The following SLC25A21 variants were observed in gnomAD, a reference collection of about 807,000 sequenced individuals.
SLC25A21 encodes the protein mitochondrial 2-oxodicarboxylate carrier.
Under a neutral mutation model 43.8 loss-of-function variants are expected in SLC25A21, and 47 were observed. That is an observed-to-expected ratio of 1.07 (90% CI 0.85 to 1.37). The LOEUF is 1.37. Among genes scored for constraint, SLC25A21 ranks in the 40% most tolerant of loss-of-function variants. SLC25A21 has a pLI of 0.00. For missense variants in SLC25A21, 352 were observed against 350.2 expected, an observed-to-expected ratio of 1.00 and a Z score of -0.04; for synonymous variants, 131 against 121.3, an observed-to-expected ratio of 1.08 and a Z score of -0.52.
chr14:37,145,736 C>G (rs926191749), intron 1 of SLC25A21, among the ~76,000 whole-genome samples: 5 of 152,128 alleles, frequency 3.3e-5, no homozygotes, highest in Non-Finnish European at 7.4e-5. Context: ...ACTCAACAAT[C>G]AGATACTCTA....
intron 7 of SLC25A21, among the ~76,000 whole-genome samples, chr14:36,688,225 A>G (rs530120734): frequency 6.6e-6 from 1 of 152,280 alleles, no homozygotes; most frequent in East Asian, 1.9e-4. Context: ...CTAACCCAAG[A>G]AAGTTTTACA....
intron 1 of SLC25A21, among the ~76,000 whole-genome samples, chr14:37,040,539 T>C (rs751117195): frequency 4.9e-4 from 75 of 151,912 alleles, no homozygotes; most frequent in Non-Finnish European, 7.9e-4. Flanking sequence ...GAGAAGGACC[T>C]TTCATGCTGG....
chr14:37,063,277 A>T (rs1206786842), intron 1 of SLC25A21, among the ~76,000 whole-genome samples: 1 of 152,098 alleles, frequency 6.6e-6, no homozygotes, highest in African/African-American at 2.4e-5. Context: ...AGATGGGTGG[A>T]TCACTTGAGG....
chr14:37,135,398 C>G (rs1217131676), intron 1 of SLC25A21, among the ~76,000 whole-genome samples: 3 of 151,558 alleles, frequency 2.0e-5, no homozygotes, highest in Non-Finnish European at 4.4e-5. Context: ...GATCCTATCT[C>G]TAAAAACATA....
intron 1 of SLC25A21, among the ~76,000 whole-genome samples, chr14:36,957,746 T>C (rs1487116814): frequency 1.3e-5 from 2 of 152,216 alleles, no homozygotes; most frequent in South Asian, 2.1e-4. Flanking sequence ...AAAAAGTGGA[T>C]GCTACATGAT....
chr14:36,864,910 GCT>G (rs1890169745), intron 2 of SLC25A21, among the ~76,000 whole-genome samples: 1 of 151,924 alleles, frequency 6.6e-6, no homozygotes, highest in African/African-American at 2.4e-5. Flanking sequence ...CTTCCCAGCT[GCT>G]CTGTTATTTA....
chr14:37,147,660 A>G (rs576989148), intron 1 of SLC25A21, among the ~76,000 whole-genome samples: 1 of 148,988 alleles, frequency 6.7e-6, no homozygotes, highest in Non-Finnish European at 1.5e-5. Context: ...AAAAAAAAGG[A>G]AGAAAATTTT....
At chr14:36,991,066 C>A (rs1457127092) in intron 1 of SLC25A21, among the ~76,000 whole-genome samples, 2 of 152,178 alleles carry the variant, frequency 1.3e-5, no homozygotes, top group Non-Finnish European at 2.9e-5. Flanking sequence ...TTAAATACTT[C>A]TGAATCCTGT....
chr14:36,873,232 A>T (rs1231563228), intron 2 of SLC25A21, among the ~76,000 whole-genome samples: 3 of 152,142 alleles, frequency 2.0e-5, no homozygotes, highest in African/African-American at 7.2e-5. Context: ...AAGATGGCCC[A>T]GGGGTGCGCA....
At chr14:37,014,717 G>T (rs950308550) in intron 1 of SLC25A21, among the ~76,000 whole-genome samples, 6 of 152,070 alleles carry the variant, frequency 3.9e-5, no homozygotes, top group Non-Finnish European at 8.8e-5. Flanking sequence ...CACTATCTAT[G>T]GGAGCTATAG....
At chr14:36,823,583 G>C (rs577188270) in intron 2 of SLC25A21, among the ~76,000 whole-genome samples, 12 of 152,200 alleles carry the variant, frequency 7.9e-5, no homozygotes, top group African/African-American at 2.9e-4. Flanking sequence ...TTGGGAAATG[G>C]GGGAAGGATG....
chr14:36,742,517 T>G (rs903084506), intron 3 of SLC25A21, among the ~76,000 whole-genome samples: 1 of 152,178 alleles, frequency 6.6e-6, no homozygotes, highest in African/African-American at 2.4e-5. Context: ...GCTCTGTGAT[T>G]TGAATTATGT....
intron 1 of SLC25A21, among the ~76,000 whole-genome samples, chr14:36,988,944 T>C (rs947008016): frequency 3.3e-5 from 5 of 152,268 alleles, no homozygotes; most frequent in Admixed American, 2.6e-4. Flanking sequence ...AGTACATTGA[T>C]AGAATATCTT....
intron 1 of SLC25A21, among the ~76,000 whole-genome samples, chr14:37,013,225 T>G (rs1374321425): frequency 6.6e-6 from 1 of 152,150 alleles, no homozygotes; most frequent in African/African-American, 2.4e-5. Flanking sequence ...GTTTTAACTA[T>G]TCGTATGTCT....
At chr14:36,684,304 CAG>C (rs1462810462) in intron 8 of SLC25A21, among the ~76,000 whole-genome samples, 1 of 151,970 alleles carries the variant, frequency 6.6e-6, no homozygotes, top group East Asian at 1.9e-4. Flanking sequence ...GGCGAAGAAA[CAG>C]AAAGTAAGAT....
intron 1 of SLC25A21, among the ~76,000 whole-genome samples, chr14:37,061,822 A>G (rs1404673931): frequency 2.6e-5 from 4 of 152,234 alleles, no homozygotes; most frequent in Admixed American, 6.5e-5. Flanking sequence ...TACTCCTGGT[A>G]GAGAGTTCCC....
At chr14:36,960,517 T>A (rs1318429779) in intron 1 of SLC25A21, among the ~76,000 whole-genome samples, 2 of 152,154 alleles carry the variant, frequency 1.3e-5, no homozygotes, top group East Asian at 3.9e-4. Context: ...GGACGCCTTT[T>A]TCATATAAAT....
At chr14:36,830,441 T>A (rs886082735) in intron 2 of SLC25A21, among the ~76,000 whole-genome samples, 3 of 152,124 alleles carry the variant, frequency 2.0e-5, no homozygotes, top group African/African-American at 7.2e-5. Context: ...AGGGACAGAA[T>A]CCAAACATTC....
intron 3 of SLC25A21, among the ~76,000 whole-genome samples, chr14:36,742,838 G>T (rs1404020352): frequency 1.3e-5 from 2 of 152,090 alleles, no homozygotes; most frequent in African/African-American, 4.8e-5. Context: ...TCTGCATATG[G>T]TCTTTGGATT....
Sources: gnomAD v4.1 joint callset for allele counts (sites outside exome capture counted in the v4.1 genomes callset) on GRCh38, gnomAD v4.1.1 for gene constraint, MANE v1.5 for transcripts, NCBI Gene and HGNC (gene_info 2026-07-23, HGNC 2026-07-21) for gene names.